Variants in VTI1A observed in about 807,000 individuals in gnomAD.
The protein encoded by VTI1A is vesicle transport through interaction with t-SNAREs 1A.
A neutral mutation model predicts 34.9 loss-of-function variants in VTI1A; 22 were observed. The ratio of observed to expected loss-of-function variants is 0.63; its 90% CI spans 0.45 to 0.90. The LOEUF is 0.90. Ranked by LOEUF, VTI1A falls within the 40% of genes least tolerant of loss-of-function variation. The probability of loss-of-function intolerance (pLI) is 0.00; values close to 1 mark genes in which losing one functional copy is unlikely to be tolerated. For synonymous variants in VTI1A, 87 were observed against 97.3 expected, an observed-to-expected ratio of 0.89 and a Z score of 0.62; for missense variants, 268 against 275.6, an observed-to-expected ratio of 0.97 and a Z score of 0.20.
chr10:112,576,018 TC>T, intron 5 of VTI1A, among the ~76,000 whole-genome samples: 1 of 143,690 alleles, frequency 7.0e-6, no homozygotes, highest in African/African-American at 2.7e-5. Flanking sequence ...TCTTTTCTTT[TC>T]TTTTTTTTTT....
At position 112,767,168 on chromosome 10, in the gene VTI1A, G is replaced by T. The variant is rs189561647; in HGVS notation, c.561-48122G>T. ...TAGTAATAGCTAGCATTTATTGAGT[G>T]CCTTACTGTGTGTCAGGTACTGTGC... is the stretch of plus-strand genomic sequence containing the variant. On this transcript the variant is annotated intron_variant, in intron 7 of 7. Transcript: ENST00000393077. This position sits in a 1 kb window ranked among gnomAD's most constrained non-coding sequence, Gnocchi z 4.0. 2.8e-4 allele frequency among the ~76,000 whole-genome samples: 43 copies of T among 152,298 alleles called. No homozygotes were observed. Among genetic ancestry groups the T allele is most frequent in the African/African-American group, 9.6e-4 (40 of 41,558 alleles).
chr10:112,554,190 T>G (rs1340756434), intron 5 of VTI1A, among the ~76,000 whole-genome samples: 1 of 152,212 alleles, frequency 6.6e-6, no homozygotes, highest in Non-Finnish European at 1.5e-5. Context: ...CTGTGTGTGT[T>G]TTTATCTAAG....
chr10:112,460,688 T>C (rs1847701732), intron 2 of VTI1A, 106 bp downstream of exon 2: 3 of 808,654 alleles, frequency 3.7e-6, no homozygotes, highest in Non-Finnish European at 3.6e-6. Flanking sequence ...CATTGCTGAT[T>C]AGCATTTTAT....
intron 3 of VTI1A, among the ~76,000 whole-genome samples, chr10:112,495,505 A>G (rs1848985292): frequency 6.6e-6 from 1 of 152,106 alleles, no homozygotes; most frequent in African/African-American, 2.4e-5. Context: ...GGGTGGGGCA[A>G]GTTGGTTTTA....
chr10:112,504,676 A>G (rs1377806083), intron 3 of VTI1A, among the ~76,000 whole-genome samples: 1 of 152,192 alleles, frequency 6.6e-6, no homozygotes, highest in South Asian at 2.1e-4. Context: ...CAAAGAATAT[A>G]TGGATTTGCA....
chr10:112,749,448 C>G (rs1272386994), intron 7 of VTI1A, among the ~76,000 whole-genome samples: 1 of 152,184 alleles, frequency 6.6e-6, no homozygotes, highest in Admixed American at 6.5e-5. Flanking sequence ...TCAGATCATC[C>G]CAACAAGGGT....
Position 112,817,239 on chromosome 10 carries a change from A to G in VTI1A, c.*1856A>G, listed in dbSNP as rs1853549595. 2 of 232,332 alleles carry G rather than the reference A, an allele frequency of 8.6e-6. No homozygotes were observed. Among genetic ancestry groups the G allele is most frequent in the African/African-American group, 4.4e-5 (2 of 45,298 alleles). 14.4% of individuals were successfully genotyped at this position (232,332 alleles called of 1,614,324 possible). A position where few individuals can be genotyped will look rare whatever the true frequency, so the allele number is the denominator to read the frequency against. On this transcript the variant is annotated 3_prime_UTR_variant, in exon 8 of 8. Transcript: ENST00000393077. ...CTTCAAAACTGTTGATCTTAGCTAA[A>G]GTGTATAACCAGTTACCAGCTGCAC...
At chr10:112,635,095 C>A (rs1277258628) in intron 5 of VTI1A, among the ~76,000 whole-genome samples, 2 of 152,156 alleles carry the variant, frequency 1.3e-5, no homozygotes, top group Non-Finnish European at 2.9e-5. Context: ...GTTCAGAAAG[C>A]TGGGGCTGGA....
intron 7 of VTI1A, among the ~76,000 whole-genome samples, chr10:112,709,618 G>T (rs1380873686): frequency 1.3e-5 from 2 of 148,576 alleles, no homozygotes; most frequent in African/African-American, 5.0e-5. Context: ...TCTTCATGCT[G>T]CATCCTCAAA....
intron 7 of VTI1A, among the ~76,000 whole-genome samples, chr10:112,726,067 G>A (rs1366073863): frequency 6.6e-6 from 1 of 152,146 alleles, no homozygotes; most frequent in African/African-American, 2.4e-5. Flanking sequence ...CCCTGAAATG[G>A]TTATGTTTAT....
At chr10:112,520,845 A>G (rs894683159) in intron 3 of VTI1A, among the ~76,000 whole-genome samples, 3 of 152,004 alleles carry the variant, frequency 2.0e-5, no homozygotes, top group African/African-American at 7.2e-5. Context: ...AATAAATGAG[A>G]GTGATTACAA....
chr10:112,475,772 A>G (rs1331564337), intron 3 of VTI1A, among the ~76,000 whole-genome samples: 1 of 152,240 alleles, frequency 6.6e-6, no homozygotes, highest in East Asian at 1.9e-4. Flanking sequence ...TTATAAACTG[A>G]TGACAAATTT....
chr10:112,548,850 CT>C (rs35296077), intron 5 of VTI1A: 1 of 1,472,562 alleles, frequency 6.8e-7, no homozygotes. Context: ...CATCTTCCAG[CT>C]TTTTACCGGA....
intron 5 of VTI1A, among the ~76,000 whole-genome samples, chr10:112,664,723 G>C (rs1847581822): frequency 6.6e-6 from 1 of 152,162 alleles, no homozygotes; most frequent in Non-Finnish European, 1.5e-5. Flanking sequence ...TCAAGGATAT[G>C]ATTGATTCTG....
chr10:112,738,369 C>T (rs1413809281), intron 7 of VTI1A, among the ~76,000 whole-genome samples: 4 of 152,162 alleles, frequency 2.6e-5, no homozygotes, highest in African/African-American at 9.7e-5. Flanking sequence ...TCCTCTATAA[C>T]GCATTTGTCA....
intron 3 of VTI1A, among the ~76,000 whole-genome samples, chr10:112,502,663 A>G (rs565823937): frequency 3.9e-4 from 59 of 151,926 alleles, no homozygotes; most frequent in Non-Finnish European, 7.5e-4. Flanking sequence ...TTTCTTCCCA[A>G]CTCGTGCTTA....
chr10:112,685,788 C>T lies in VTI1A; in HGVS notation c.560+16790C>T, dbSNP rs1271058402. 2.6e-5 allele frequency among the ~76,000 whole-genome samples: 4 copies of T among 152,098 alleles called. No individual in the cohort carries two copies. In the East Asian group the frequency reaches 7.7e-4, roughly 29 times the overall value. The stretch of plus-strand genomic sequence containing the variant: ...CAAATGGAGAGCTGCTTGATATGCT[C>T]GCCTCTGTCCCAATTCCCTTTGTCT... On this transcript the variant is annotated intron_variant, in intron 7 of 7. Coordinates refer to ENST00000393077, the MANE Select transcript of VTI1A (RefSeq NM_145206.4).
chr10:112,508,171 CTGCCAGCAACCAGCTT>C (rs1313247645), intron 3 of VTI1A, among the ~76,000 whole-genome samples: 1 of 152,230 alleles, frequency 6.6e-6, no homozygotes, highest in East Asian at 1.9e-4. Flanking sequence ...GGAGGCGCTT[CTGCCAGCAACCAGCTT>C]AAACCTGTTC....
At chr10:112,585,773 T>G (rs754684594) in intron 5 of VTI1A, among the ~76,000 whole-genome samples, 30 of 151,246 alleles carry the variant, frequency 2.0e-4, no homozygotes, top group South Asian at 1.7e-3. Flanking sequence ...ACATAAACAG[T>G]ATTCCAAAAC....
Sources: allele counts gnomAD v4.1 joint callset (sites outside exome capture counted in the v4.1 genomes callset), GRCh38; gene constraint gnomAD v4.1.1; non-coding constraint Gnocchi (gnomAD v3.1); transcripts MANE v1.5; gene names NCBI Gene and HGNC (gene_info 2026-07-23, HGNC 2026-07-21).